CMC2: variants seen among roughly 807,000 people sequenced by gnomAD.
The protein encoded by CMC2 is COX assembly mitochondrial protein 2 homolog.
CMC2 carries 5 observed loss-of-function variants against 7.5 expected under a neutral mutation model. The observed-to-expected ratio is 0.66, with a 90% CI of 0.35 to 1.40. CMC2 has a LOEUF of 1.40. Among genes scored for constraint, CMC2 ranks in the 40% most tolerant of loss-of-function variants. CMC2 has a pLI of 0.04. For synonymous variants in CMC2, 37 were observed against 31.4 expected (o/e 1.18, Z -0.60); for missense variants, 115 against 92.3 (o/e 1.25, Z -1.01).
chr16:81,004,356 T>A (rs1037662146), intron 1 of CMC2, among the ~76,000 whole-genome samples: 3 of 152,226 alleles, frequency 2.0e-5, no homozygotes, highest in African/African-American at 7.2e-5. Context: ...TTGAATAGAA[T>A]AATATTTAAT....
rs140704991 is a variant in CMC2 at position 80,981,788 on chromosome 16, C to T, written c.153+18G>A. 2.9e-4 allele frequency: 442 copies of T among 1,540,172 alleles called. 2 individuals carry two copies. In the African/African-American group the frequency reaches 5.5e-3, roughly 19 times the overall value. On this transcript the variant is annotated intron_variant, in intron 3 of 3. Coordinates refer to ENST00000219400, the MANE Select transcript of CMC2 (RefSeq NM_020188.5). ...GTTCTATTGTTCAACCATATCCATC[C>T]TTTGACACTTTTCTTACCTCATTCT...
chr16:80,985,808 C>G (rs1417895858), intron 2 of CMC2, among the ~76,000 whole-genome samples: 7 of 141,512 alleles, frequency 4.9e-5, no homozygotes, highest in Admixed American at 2.3e-4. Context: ...CCTGGTTTAG[C>G]AAACAGTAAG....
At chr16:80,978,897 C>T (rs576646327) in intron 3 of CMC2, among the ~76,000 whole-genome samples, 4 of 151,898 alleles carry the variant, frequency 2.6e-5, no homozygotes, top group Non-Finnish European at 4.4e-5. Flanking sequence ...CTAGCTAACA[C>T]GGTGAAGCCC....
chr16:81,002,472 T>C (rs1567535891), intron 1 of CMC2, among the ~76,000 whole-genome samples: 1 of 152,136 alleles, frequency 6.6e-6, no homozygotes, highest in Non-Finnish European at 1.5e-5. Context: ...CACTAGAAAA[T>C]GTCTCTAACA....
chr16:80,986,450 G>A (rs1377599829), intron 2 of CMC2, among the ~76,000 whole-genome samples: 4 of 110,042 alleles, frequency 3.6e-5, no homozygotes, highest in Admixed American at 9.9e-5. Context: ...GTGAAACTCC[G>A]TCTCAAAAGA....
At chr16:80,988,577 G>A (rs781158233) in intron 2 of CMC2, 1 of 696,084 alleles carries the variant, frequency 1.4e-6, no homozygotes, top group African/African-American at 1.8e-5. Context: ...CGAGTAAGTT[G>A]CAGATATGAT....
chr16:80,980,150 C>G (rs1967012676), intron 3 of CMC2, among the ~76,000 whole-genome samples: 1 of 150,878 alleles, frequency 6.6e-6, no homozygotes, highest in East Asian at 2.0e-4. Context: ...AAAGCTTTCA[C>G]CTCAAAGGAT....
Position 80,970,623 on chromosome 16 carries a change from T to A in CMC2, c.*5470A>T, listed in dbSNP as rs1214582852. The A allele has an allele frequency of 6.6e-6, 1 of 152,172 alleles. No individual in the cohort carries two copies. Among genetic ancestry groups the A allele is most frequent in the Non-Finnish European group, 1.5e-5 (1 of 68,016 alleles). The allele number at this position is 152,172 out of a possible 1,614,324, so 9.4% of individuals were successfully genotyped here. ...AGTATAAACATTGGAAAGAAACAAA[T>A]GATTCATTACTGTTACTATTCAAAA... On this transcript the variant is annotated 3_prime_UTR_variant, in exon 4 of 4. Coordinates refer to ENST00000219400, the MANE Select transcript of CMC2 (RefSeq NM_020188.5).
At chr16:80,988,592 G>A (rs576945743) in intron 2 of CMC2, 5 of 633,748 alleles carry the variant, frequency 7.9e-6, no homozygotes, top group East Asian at 5.6e-5. Context: ...TATGATGCAC[G>A]TTTCCTAAAA....
intron 2 of CMC2, among the ~76,000 whole-genome samples, chr16:80,993,959 C>A (rs991098073): frequency 6.6e-6 from 1 of 152,098 alleles, no homozygotes; most frequent in Non-Finnish European, 1.5e-5. Flanking sequence ...TACAAGGCAA[C>A]AGTAATTAAG....
chr16:80,981,676 T>C lies in CMC2; in HGVS notation c.153+130A>G, dbSNP rs528844170. 3 of 581,462 alleles carry C rather than the reference T, an allele frequency of 5.2e-6. No homozygotes were observed. In the African/African-American group the frequency reaches 5.7e-5, roughly 11 times the overall value. 36.0% of individuals were successfully genotyped at this position (581,462 alleles called of 1,614,324 possible). Reference sequence around the variant, plus strand: ...ATTTCTTCCCCTAAACAGAGGAAGTTCATACATGTAAAGTCAATTTTCTGT... The same window carrying C: ...ATTTCTTCCCCTAAACAGAGGAAGTCCATACATGTAAAGTCAATTTTCTGT... On this transcript the variant is annotated intron_variant, in intron 3 of 3. Coordinates refer to ENST00000219400, the MANE Select transcript of CMC2 (RefSeq NM_020188.5).
At position 80,975,987 on chromosome 16, in the gene CMC2, T is replaced by C. The variant is rs1042872463; in HGVS notation, c.*106A>G. 1.7e-5 allele frequency: 12 copies of C among 698,552 alleles called. 1 individual carries two copies. The South Asian group carries it at 1.9e-4, about 11-fold the overall frequency. The allele number at this position is 698,552 out of a possible 1,614,324, so 43.3% of individuals were successfully genotyped here. On this transcript the variant is annotated 3_prime_UTR_variant, in exon 4 of 4. Coordinates refer to ENST00000219400, the MANE Select transcript of CMC2 (RefSeq NM_020188.5). ...CATGGTTCAATCTCTCACAGGTCAC[T>C]TTCCATTCAAAGGATTATGGAGACC... is the stretch of plus-strand genomic sequence containing the variant.
At chr16:81,001,225 C>A (rs919701264) in intron 1 of CMC2, 1 of 152,128 alleles carries the variant, frequency 6.6e-6, no homozygotes, top group African/African-American at 2.4e-5. Flanking sequence ...GCTGAAAAAC[C>A]ATTAGGTACT....
rs117485847 is a variant in CMC2 at position 81,001,603 on chromosome 16, G to T, written c.-35-4174C>A. On this transcript the variant is annotated intron_variant, in intron 1 of 3. Coordinates refer to ENST00000219400, the MANE Select transcript of CMC2 (RefSeq NM_020188.5). Reference sequence around the variant, plus strand: ...TACCACTGAACTGTGCATTTAAATGGTTAAGATGGTAAATTTTATGTTACG... The same window carrying T: ...TACCACTGAACTGTGCATTTAAATGTTTAAGATGGTAAATTTTATGTTACG... 3.8e-3 allele frequency among the ~76,000 whole-genome samples: 584 copies of T among 152,158 alleles called. 2 individuals carry two copies. The highest frequency in any genetic ancestry group is 6.8e-3 in the Non-Finnish European group (464 of 68,000).
At chr16:80,986,436 C>A (rs1336181334) in intron 2 of CMC2, among the ~76,000 whole-genome samples, 3 of 147,474 alleles carry the variant, frequency 2.0e-5, no homozygotes, top group African/African-American at 7.5e-5. Context: ...GCCTGGGCGA[C>A]AGAGTGAAAC....
chr16:80,969,099 T>C lies in CMC2; in HGVS notation c.*6994A>G, dbSNP rs955261308. The C allele has an allele frequency of 1.3e-5, 2 of 152,230 alleles. No homozygotes were observed. The highest frequency in any genetic ancestry group is 2.1e-4 in the South Asian group (1 of 4,828). 9.4% of individuals were successfully genotyped at this position (152,230 alleles called of 1,614,324 possible). ...TTAAGTGTGTGTGTCAGAAAGTTAC[T>C]GGTGGGAAATTCTGGAAAGATAGTT... On this transcript the variant is annotated 3_prime_UTR_variant, in exon 4 of 4. Coordinates refer to ENST00000219400, the MANE Select transcript of CMC2 (RefSeq NM_020188.5).
intron 1 of CMC2, among the ~76,000 whole-genome samples, chr16:81,004,180 C>T (rs556384612): frequency 6.6e-6 from 1 of 152,216 alleles, no homozygotes; most frequent in African/African-American, 2.4e-5. Context: ...TGAGATGGCA[C>T]CACCTGCACT....
chr16:80,990,444 A>G (rs2151634358), intron 2 of CMC2, among the ~76,000 whole-genome samples: 1 of 152,286 alleles, frequency 6.6e-6, no homozygotes. Context: ...TGCTGGGATT[A>G]CAGGCATGAG....
At chr16:80,998,313 T>C (rs1256205943) in intron 1 of CMC2, 1 of 150,698 alleles carries the variant, frequency 6.6e-6, no homozygotes, top group Non-Finnish European at 1.5e-5. Flanking sequence ...AAGTTCCAAA[T>C]AGAAAACAGG....
Sources: allele counts gnomAD v4.1 joint callset (sites outside exome capture counted in the v4.1 genomes callset), GRCh38; gene constraint gnomAD v4.1.1; transcripts MANE v1.5; gene names NCBI Gene and HGNC (gene_info 2026-07-23, HGNC 2026-07-21).